ROBO1: variants seen among roughly 807,000 people sequenced by gnomAD.
ROBO1 encodes the protein roundabout homolog 1.
Under a neutral mutation model 195.9 loss-of-function variants are expected in ROBO1, and 149 were observed. The observed-to-expected ratio is 0.76, with a 90% CI of 0.67 to 0.87. The LOEUF (loss-of-function observed/expected upper bound fraction) is 0.87, where lower values mean the gene tolerates loss of function less well. Among genes scored for constraint, ROBO1 ranks in the 40% least tolerant of loss-of-function variants. ROBO1 has a pLI of 0.00. For synonymous variants in ROBO1, 816 were observed against 733.2 expected, an observed-to-expected ratio of 1.11 and a Z score of -1.82; for missense variants, 1,933 against 2,068.3, an observed-to-expected ratio of 0.93 and a Z score of 1.27.
chr3:79,303,355 G>T (rs544135929), intron 2 of ROBO1, among the ~76,000 whole-genome samples: 1 of 151,866 alleles, frequency 6.6e-6, no homozygotes. Flanking sequence ...TAGCAGAGAC[G>T]GGGTTTCGCC....
intron 2 of ROBO1, among the ~76,000 whole-genome samples, chr3:79,487,323 G>A (rs1939214832): frequency 6.7e-6 from 1 of 150,100 alleles, no homozygotes; most frequent in Non-Finnish European, 1.5e-5. Flanking sequence ...ATTTTTGGTT[G>A]AATGGATATT....
chr3:79,742,684 T>C (rs1311815165), intron 1 of ROBO1, among the ~76,000 whole-genome samples: 1 of 152,224 alleles, frequency 6.6e-6, no homozygotes, highest in African/African-American at 2.4e-5. Flanking sequence ...TAGGTAGTTC[T>C]TTATAGCCAT....
chr3:79,145,220 C>G (rs1230579965), intron 2 of ROBO1, among the ~76,000 whole-genome samples: 4 of 151,690 alleles, frequency 2.6e-5, no homozygotes, highest in Admixed American at 6.6e-5. Context: ...AGGTAATTTA[C>G]TATAAACACC....
intron 2 of ROBO1, among the ~76,000 whole-genome samples, chr3:79,441,854 A>T (rs2039064999): frequency 6.6e-6 from 1 of 152,140 alleles, no homozygotes; most frequent in African/African-American, 2.4e-5. Flanking sequence ...ATTACTTCAA[A>T]ATTGATAGAC....
rs368942080 is a variant in ROBO1 at position 78,602,392 on chromosome 3, C to T, written c.4745-2083G>A. ...TCCTGAGGTCTCCTCAGAAGCCAAGCGGATGTCAACACCATGTTTCCTATA... is the reference window on the plus strand; with the variant it reads ...TCCTGAGGTCTCCTCAGAAGCCAAGTGGATGTCAACACCATGTTTCCTATA... On this transcript the variant is annotated intron_variant, in intron 29 of 30. Transcript: ENST00000464233. Among the ~76,000 whole-genome samples, 10 of 152,124 alleles carry T rather than the reference C, an allele frequency of 6.6e-5. No homozygotes were observed. The East Asian group carries it at 1.2e-3, about 18-fold the overall frequency.
intron 1 of ROBO1, among the ~76,000 whole-genome samples, chr3:79,686,311 A>G (rs1030110438): frequency 8.6e-4 from 131 of 152,286 alleles, no homozygotes; most frequent in Non-Finnish European, 1.6e-3. Flanking sequence ...AAACTGGCAC[A>G]AGACAGGGAT....
chr3:79,054,652 CT>C (rs2078768807), intron 3 of ROBO1, among the ~76,000 whole-genome samples: 1 of 152,080 alleles, frequency 6.6e-6, no homozygotes, highest in Admixed American at 6.6e-5. Context: ...AAAAATTGCA[CT>C]TAAAAACTTA....
chr3:79,591,958 A>G (rs1032942301), intron 1 of ROBO1, among the ~76,000 whole-genome samples: 4 of 151,872 alleles, frequency 2.6e-5, no homozygotes, highest in African/African-American at 7.2e-5. Context: ...TTAAATGTGT[A>G]TAAGCAGTTG....
At chr3:79,428,563 AC>A (rs1162839683) in intron 2 of ROBO1, among the ~76,000 whole-genome samples, 2 of 152,144 alleles carry the variant, frequency 1.3e-5, no homozygotes, top group African/African-American at 4.8e-5. Flanking sequence ...GCATACTAAA[AC>A]AATGTACCAG....
chr3:78,661,148 G>A lies in ROBO1; in HGVS notation c.2202C>T (p.Asn734=), dbSNP rs1473637551. 5 of 1,613,610 alleles carry A rather than the reference G, an allele frequency of 3.1e-6. No individual in the cohort carries two copies. The highest frequency in any genetic ancestry group is 4.5e-5 in the East Asian group (2 of 44,864). The part of the protein sequence containing the change: ...LVFEVRTPAK[N]SVVIPDLRKG... ...TTCTGAGATCAGGGATTACCACACT[G>A]TTTTTGGCTGGCGTCCTCACTTCAA... is the stretch of plus-strand genomic sequence containing the variant. Residue 734 remains asparagine, a synonymous_variant, in exon 16 of 31, where the codon AAC becomes AAT. Coordinates refer to ENST00000464233, the MANE Select transcript of ROBO1 (RefSeq NM_002941.4).
chr3:79,253,941 A>G (rs1199745900), intron 2 of ROBO1, among the ~76,000 whole-genome samples: 2 of 152,182 alleles, frequency 1.3e-5, no homozygotes, highest in African/African-American at 4.8e-5. Context: ...TTGGGTTGCA[A>G]CATGATTTAA....
intron 24 of ROBO1, among the ~76,000 whole-genome samples, chr3:78,633,654 CT>C (rs1165246496): frequency 6.6e-6 from 1 of 152,166 alleles, no homozygotes; most frequent in African/African-American, 2.4e-5. Context: ...AAAGTTTCAA[CT>C]GCCTTTAAAG....
chr3:78,673,767 A>ACC (rs1708237197), intron 10 of ROBO1, among the ~76,000 whole-genome samples: 1 of 151,006 alleles, frequency 6.6e-6, no homozygotes, highest in Non-Finnish European at 1.5e-5. Flanking sequence ...ATACATAAAT[A>ACC]TATTTAGGAA....
At chr3:79,654,869 T>C (rs1946114720) in intron 1 of ROBO1, among the ~76,000 whole-genome samples, 1 of 152,050 alleles carries the variant, frequency 6.6e-6, no homozygotes, top group Non-Finnish European at 1.5e-5. Context: ...GCTCTGATGA[T>C]CCACAGTAAT....
chr3:79,618,722 T>C (rs546616003), intron 1 of ROBO1, among the ~76,000 whole-genome samples: 3 of 152,270 alleles, frequency 2.0e-5, no homozygotes, highest in Admixed American at 6.5e-5. Flanking sequence ...TGGACGCACA[T>C]GACATTTGGT....
intron 1 of ROBO1, among the ~76,000 whole-genome samples, chr3:79,604,589 T>C (rs978017872): frequency 6.6e-6 from 1 of 152,022 alleles, no homozygotes; most frequent in African/African-American, 2.4e-5. Flanking sequence ...TTCAAATACA[T>C]AATCCTTTAC....
chr3:79,752,835 AT>A (rs1033603991), intron 1 of ROBO1, among the ~76,000 whole-genome samples: 1 of 152,186 alleles, frequency 6.6e-6, no homozygotes, highest in African/African-American at 2.4e-5. Context: ...TAGAAAGAAT[AT>A]GACTGAGATA....
chr3:79,059,124 A>G (rs2078866871), intron 3 of ROBO1, among the ~76,000 whole-genome samples: 1 of 152,118 alleles, frequency 6.6e-6, no homozygotes, highest in Admixed American at 6.6e-5. Context: ...TGATTGGAAT[A>G]CTTCAGATTT....
intron 5 of ROBO1, among the ~76,000 whole-genome samples, chr3:78,725,611 A>G (rs1427777330): frequency 1.3e-5 from 2 of 152,192 alleles, no homozygotes; most frequent in African/African-American, 4.8e-5. Context: ...AAAAGTGGAG[A>G]AAACCACTTT....
Sources: gnomAD v4.1 joint callset for allele counts (sites outside exome capture counted in the v4.1 genomes callset) on GRCh38, gnomAD v4.1.1 for gene constraint, MANE v1.5 for transcripts, NCBI Gene and HGNC (gene_info 2026-07-23, HGNC 2026-07-21) for gene names.